The following PRH1 variants were observed in gnomAD, a reference collection of about 807,000 sequenced individuals.
PRH1 encodes the protein salivary acidic proline-rich phosphoprotein 1/2.
In PRH1, 7 loss-of-function variants were observed where a neutral mutation model predicts 7.9. The ratio of observed to expected loss-of-function variants is 0.89; its 90% CI spans 0.50 to 1.67. The LOEUF is 1.67. Ranked by LOEUF, PRH1 falls within the 40% of genes most tolerant of loss-of-function variation. PRH1 has a pLI of 0.00. For synonymous variants in PRH1, 45 were observed against 80.8 expected (o/e 0.56, Z 2.38); for missense variants, 109 against 223.6 (o/e 0.49, Z 3.27).
At chr12:11,025,016 CATTA>C (rs1941838560) in intron 1 of PRH1, among the ~76,000 whole-genome samples, 2 of 141,482 alleles carry the variant, frequency 1.4e-5, no homozygotes, top group Non-Finnish European at 3.0e-5. Flanking sequence ...TTTTCATTGT[CATTA>C]ATTTTTTTTT....
At chr12:11,062,700 T>C (rs749364987) in intron 1 of PRH1, among the ~76,000 whole-genome samples, 164 of 152,228 alleles carry the variant, frequency 1.1e-3, no homozygotes, top group Admixed American at 2.1e-3. Flanking sequence ...GTGACTTCAG[T>C]TGTTAGGGAA....
At chr12:11,071,008 T>TCCC (rs1323814180) in intron 1 of PRH1, among the ~76,000 whole-genome samples, 2 of 150,290 alleles carry the variant, frequency 1.3e-5, no homozygotes, top group East Asian at 3.9e-4. Flanking sequence ...TTCTCTTCTC[T>TCCC]CCCCTTTCCC....
At chr12:11,108,509 C>T (rs1313716462) in intron 1 of PRH1, among the ~76,000 whole-genome samples, 1 of 152,102 alleles carries the variant, frequency 6.6e-6, no homozygotes, top group Non-Finnish European at 1.5e-5. Flanking sequence ...GGGTGAAGCC[C>T]ACGGAGGATG....
At chr12:10,951,457 T>C (rs1011233373) in intron 2 of PRH1, among the ~76,000 whole-genome samples, 1 of 152,190 alleles carries the variant, frequency 6.6e-6, no homozygotes, top group Non-Finnish European at 1.5e-5. Flanking sequence ...CAAGATTTTC[T>C]TGGGAAGACA....
chr12:11,155,205 C>T (rs561602411), intron 1 of PRH1, among the ~76,000 whole-genome samples: 1 of 152,174 alleles, frequency 6.6e-6, no homozygotes, highest in South Asian at 2.1e-4. Flanking sequence ...AAGTAACTTG[C>T]ACTGATTTGC....
chr12:11,165,763 A>G (rs894224038), intron 1 of PRH1, among the ~76,000 whole-genome samples: 2 of 152,202 alleles, frequency 1.3e-5, no homozygotes, highest in African/African-American at 4.8e-5. Context: ...CTGTATTTAG[A>G]TTCAAATGGC....
At chr12:10,948,502 G>T (rs1279300122) in intron 2 of PRH1, among the ~76,000 whole-genome samples, 2 of 152,002 alleles carry the variant, frequency 1.3e-5, no homozygotes, top group African/African-American at 4.8e-5. Flanking sequence ...TTCTAATACT[G>T]GTTATTTCAT....
chr12:11,117,951 T>A (rs1945777049), downstream of PRH1, among the ~76,000 whole-genome samples: 1 of 152,156 alleles, frequency 6.6e-6, no homozygotes, highest in Non-Finnish European at 1.5e-5. Flanking sequence ...TCTCAAACCA[T>A]GAAGCTCCCA....
chr12:10,950,288 G>A (rs910157288), intron 2 of PRH1, among the ~76,000 whole-genome samples: 3 of 152,062 alleles, frequency 2.0e-5, no homozygotes, highest in Admixed American at 1.3e-4. Flanking sequence ...ATCAGATTAT[G>A]TCATACTCAG....
At chr12:11,120,149 T>C (rs567301782), downstream of PRH1, among the ~76,000 whole-genome samples, 2 of 152,194 alleles carry the variant, frequency 1.3e-5, no homozygotes, top group Non-Finnish European at 2.9e-5. Flanking sequence ...GTTAGAACCA[T>C]GGTAGAAACA....
At chr12:10,931,162 A>G in intron 2 of PRH1, 2 of 1,573,772 alleles carry the variant, frequency 1.3e-6, no homozygotes, top group Non-Finnish European at 1.7e-6. Context: ...TCTATTGAAA[A>G]GCTGTTAATA....
At chr12:10,992,102 G>T (rs1354904023) in intron 1 of PRH1, among the ~76,000 whole-genome samples, 1 of 152,122 alleles carries the variant, frequency 6.6e-6, no homozygotes, top group Non-Finnish European at 1.5e-5. Context: ...CCCTTAGCCA[G>T]TTCTCTGGAC....
upstream of PRH1, among the ~76,000 whole-genome samples, chr12:10,888,235 C>A (rs1008941556): frequency 6.6e-6 from 1 of 152,174 alleles, no homozygotes; most frequent in Non-Finnish European, 1.5e-5. Flanking sequence ...TCCAGGATAA[C>A]CTTTCTAAAT....
chr12:11,068,760 C>G (rs1943930705), intron 1 of PRH1, among the ~76,000 whole-genome samples: 1 of 151,944 alleles, frequency 6.6e-6, no homozygotes, highest in African/African-American at 2.4e-5. Flanking sequence ...AATAATAATC[C>G]CCTGCATAGT....
At chr12:11,064,422 T>C (rs970995184) in intron 1 of PRH1, among the ~76,000 whole-genome samples, 1 of 152,090 alleles carries the variant, frequency 6.6e-6, no homozygotes, top group Non-Finnish European at 1.5e-5. Flanking sequence ...CCTTAATATA[T>C]ATTTGGCCAG....
intron 2 of PRH1, among the ~76,000 whole-genome samples, chr12:10,926,772 T>A (rs1417432399): frequency 6.6e-6 from 1 of 152,144 alleles, no homozygotes; most frequent in African/African-American, 2.4e-5. Flanking sequence ...GGAGTGAGGA[T>A]TTTTGAACCA....
chr12:11,081,586 G>C (rs1173402772), intron 1 of PRH1, among the ~76,000 whole-genome samples: 1 of 115,896 alleles, frequency 8.6e-6, no homozygotes, highest in Admixed American at 8.6e-5. Flanking sequence ...GCTTTTTTTG[G>C]ATATTAGCTT....
At chr12:11,118,025 A>G (rs1945779735), downstream of PRH1, among the ~76,000 whole-genome samples, 1 of 152,182 alleles carries the variant, frequency 6.6e-6, no homozygotes, top group African/African-American at 2.4e-5. Flanking sequence ...AAGTAGTAAT[A>G]CCCTACAAGT....
intron 1 of PRH1, among the ~76,000 whole-genome samples, chr12:11,097,920 TTTCA>T: frequency 2.3e-5 from 1 of 44,180 alleles, no homozygotes; most frequent in South Asian, 2.4e-3. Flanking sequence ...TCACATGGTA[TTTCA>T]TCAAGAATAA....
Sources: gnomAD v4.1 joint callset for allele counts (sites outside exome capture counted in the v4.1 genomes callset) on GRCh38, gnomAD v4.1.1 for gene constraint, MANE v1.5 for transcripts, NCBI Gene and HGNC (gene_info 2026-07-23, HGNC 2026-07-21) for gene names.